ANKMY1: variants seen among roughly 807,000 people sequenced by gnomAD.
The protein encoded by ANKMY1 is ankyrin repeat and MYND domain-containing protein 1.
In ANKMY1, 98 loss-of-function variants were observed where a neutral mutation model predicts 102.0. The observed-to-expected ratio is 0.96, with a 90% confidence interval of 0.82 to 1.14. The LOEUF (loss-of-function observed/expected upper bound fraction) is 1.14. Ranked by LOEUF, ANKMY1 falls within the 50% of genes most tolerant of loss-of-function variation. ANKMY1 has a pLI of 0.00. For missense variants in ANKMY1, 1,330 were observed against 1,347.6 expected, an observed-to-expected ratio of 0.99 and a Z score of 0.20; for synonymous variants, 582 against 559.9, an observed-to-expected ratio of 1.04 and a Z score of -0.56.
rs1021839093 is a variant in ANKMY1, at chr2:240,525,951, G to A, written c.1171-102C>T. 1.4e-5 allele frequency: 20 copies of A among 1,401,752 alleles called. No homozygotes were observed. In the Admixed American group the frequency reaches 3.1e-4, roughly 22 times the overall value. 86.8% of individuals were successfully genotyped at this position (1,401,752 alleles called of 1,614,324 possible). On this transcript the variant is annotated intron_variant, in intron 6 of 17. Transcript: ENST00000401804. ...GCCCTCATGAGGCCACCCTATGGCA[G>A]GGCAGGAACCAGTGCTCATTCGGGA...
chr2:240,471,553 C>T, the ANKMY1 span, among the ~76,000 whole-genome samples: 1 of 151,994 alleles, frequency 6.6e-6, no homozygotes, highest in Non-Finnish European at 1.5e-5. Context: ...AAATAGAAAC[C>T]ATAAGGATAG....
chr2:240,556,568 C>T (rs1364054914), intron 2 of ANKMY1, among the ~76,000 whole-genome samples: 2 of 152,252 alleles, frequency 1.3e-5, no homozygotes, highest in Non-Finnish European at 2.9e-5. Flanking sequence ...ATCTGCTTCT[C>T]AGATCTAAGT....
In ANKMY1 at chr2:240,512,915, C is replaced by T. The variant is rs776138327; in HGVS notation, c.2032G>A (p.Ala678Thr). ...QLSTLTPLHI[A>T]AALPGEEGVQ... ...CCCTCCTCCCCAGGAAGGGCGGCAG[C>T]GATGTGGAGTGGTGTCAGGGTGCTC... Residue 678 changes from alanine to threonine, a missense_variant, in exon 10 of 18, where the codon GCT (alanine) becomes ACT (threonine). Physicochemically the swap from Ala to Thr is moderately conservative, Grantham distance 58. Coordinates refer to ENST00000401804, the MANE Select transcript of ANKMY1 (RefSeq NM_001282771.3). 3.1e-5 allele frequency: 50 copies of T among 1,613,614 alleles called. No individual in the cohort carries two copies. The South Asian group carries it at 3.5e-4, about 11-fold the overall frequency.
chr2:240,509,153 G>A (rs994726856), intron 12 of ANKMY1, among the ~76,000 whole-genome samples, 195 bp downstream of exon 12: 4 of 151,378 alleles, frequency 2.6e-5, no homozygotes, highest in Non-Finnish European at 5.9e-5. Flanking sequence ...GGGTAGACAG[G>A]TGAGTGGAAG....
chr2:240,483,917 T>C (rs2075742536), intron 15 of ANKMY1, among the ~76,000 whole-genome samples: 1 of 152,166 alleles, frequency 6.6e-6, no homozygotes, highest in African/African-American at 2.4e-5. Flanking sequence ...CTCCCACTTA[T>C]GAGTGAGAAC....
chr2:240,523,764 A>T, intron 8 of ANKMY1, 121 bp downstream of exon 8: 1 of 1,424,868 alleles, frequency 7.0e-7, no homozygotes. Context: ...TCACACATTC[A>T]GACACACATC....
In ANKMY1 at chr2:240,509,417, T is replaced by C. The variant is rs940057306; in HGVS notation, c.2325A>G (p.Gly775=). 1 of 1,613,694 alleles carries C rather than the reference T, an allele frequency of 6.2e-7. No individual in the cohort carries two copies. Among genetic ancestry groups the C allele is most frequent in the South Asian group, 1.1e-5 (1 of 91,022 alleles). ...CACTCCACAGCAGGTTAGGATTTGC[T>C]CCGTGGGATAGAAGGAGCCGGACTA... The part of the protein sequence containing the change: ...RDIVRLLLSH[G]ANPNLLWSGH... Residue 775 remains glycine (G), a synonymous_variant, in exon 12 of 18, where the codon GGA becomes GGG. Transcript: ENST00000401804.
intron 4 of ANKMY1, among the ~76,000 whole-genome samples, chr2:240,542,784 A>G (rs2089306761): frequency 6.7e-6 from 1 of 149,818 alleles, no homozygotes; most frequent in Non-Finnish European, 1.5e-5. Context: ...AAGTTGGTTT[A>G]TAAATAAAAG....
chr2:240,546,766 G>T (rs1232186753), intron 4 of ANKMY1, among the ~76,000 whole-genome samples: 1 of 152,182 alleles, frequency 6.6e-6, no homozygotes, highest in African/African-American at 2.4e-5. Flanking sequence ...GACAAAGAAG[G>T]CCATTACATA....
At chr2:240,523,629 C>T (rs1325604080) in intron 8 of ANKMY1, 13 of 575,694 alleles carry the variant, frequency 2.3e-5, no homozygotes, top group Non-Finnish European at 3.3e-5. Flanking sequence ...GCAGGGCTGG[C>T]GTGGTACTGA....
At chr2:240,482,110 G>T (rs770321073) in intron 16 of ANKMY1, 73 bp downstream of exon 16, 27 of 1,518,164 alleles carry the variant, frequency 1.8e-5, no homozygotes, top group Non-Finnish European at 2.4e-5. Flanking sequence ...GAGGTGGTCA[G>T]GCCAGGCACA....
intron 13 of ANKMY1, among the ~76,000 whole-genome samples, chr2:240,505,368 A>G (rs1304792732): frequency 6.6e-6 from 1 of 151,978 alleles, no homozygotes; most frequent in African/African-American, 2.4e-5. Context: ...AGGGTGAGGC[A>G]GGAGGATTGC....
chr2:240,546,010 C>T (rs375708034), intron 4 of ANKMY1, among the ~76,000 whole-genome samples: 11 of 151,912 alleles, frequency 7.2e-5, no homozygotes, highest in Admixed American at 2.6e-4. Flanking sequence ...ATACAGAGAA[C>T]GCCACAAAGA....
In ANKMY1 at chr2:240,520,940, C is replaced by A. The variant is rs989353703; in HGVS notation, c.1833-407G>T. 7.1e-6 allele frequency among the ~76,000 whole-genome samples: 1 copy of A among 141,706 alleles called. No individual in the cohort carries two copies. The highest frequency in any genetic ancestry group is 2.8e-5 in the African/African-American group (1 of 35,782). The allele number at this position is 141,706 out of a possible 152,430, so 93.0% of individuals were successfully genotyped here. The stretch of plus-strand genomic sequence containing the variant: ...ACACTACACATACAGCACACAACCA[C>A]ACAAACCACACACACACCACACACA... On this transcript the variant is annotated intron_variant, in intron 8 of 17. Coordinates refer to ENST00000401804, the MANE Select transcript of ANKMY1 (RefSeq NM_001282771.3). This position sits in a 1 kb window ranked among gnomAD's most constrained non-coding sequence, Gnocchi z 4.8.
intron 4 of ANKMY1, among the ~76,000 whole-genome samples, chr2:240,548,129 A>G (rs2124986561): frequency 6.6e-6 from 1 of 152,320 alleles, no homozygotes; most frequent in Middle Eastern, 3.4e-3. Flanking sequence ...ATACTGCCAA[A>G]CCGAATCCAG....
chr2:240,519,550 C>A (rs1324061647), intron 9 of ANKMY1, among the ~76,000 whole-genome samples: 1 of 152,130 alleles, frequency 6.6e-6, no homozygotes, highest in Non-Finnish European at 1.5e-5. Flanking sequence ...CAGTCATGGG[C>A]AGCGACCGAT....
chr2:240,501,851 C>A (rs770248171), intron 13 of ANKMY1, among the ~76,000 whole-genome samples: 4 of 152,198 alleles, frequency 2.6e-5, no homozygotes, highest in Non-Finnish European at 4.4e-5. Flanking sequence ...GCAAGGCCTA[C>A]GCCAGGCAGA....
intron 15 of ANKMY1, among the ~76,000 whole-genome samples, chr2:240,490,820 G>T (rs2076560299): frequency 6.6e-6 from 1 of 152,134 alleles, no homozygotes; most frequent in African/African-American, 2.4e-5. Flanking sequence ...TAGATAAAAT[G>T]TTCTGTAAAT....
At position 240,555,005 on chromosome 2, in the gene ANKMY1, A is replaced by C. The variant is rs1235053456; in HGVS notation, c.197T>G (p.Leu66Arg). 6.2e-7 allele frequency: 1 copy of C among 1,614,044 alleles called. No homozygotes were observed. The highest frequency in any genetic ancestry group is 8.5e-7 in the Non-Finnish European group (1 of 1,180,014). The change falls in exon 3 of 18, where the codon CTG (leucine) becomes CGG (arginine). Residue 66 changes from leucine to arginine, a missense_variant. Leu to Arg is a moderately radical substitution (Grantham distance 102). Transcript: ENST00000401804. ...EKEEEEAEGP[L>R]RAQDLRESYI... ...GGACTCCCTCAGGTCCTGCGCCCTC[A>C]GCGGGCCCTCAGCTTCCTCCTCTTC...
Sources: allele counts gnomAD v4.1 joint callset (sites outside exome capture counted in the v4.1 genomes callset), GRCh38; gene constraint gnomAD v4.1.1; non-coding constraint Gnocchi (gnomAD v3.1); transcripts MANE v1.5; gene names NCBI Gene and HGNC (gene_info 2026-07-23, HGNC 2026-07-21).